The following KITLG variants were observed in gnomAD, a reference collection of about 807,000 sequenced individuals.
The protein encoded by KITLG is KIT ligand, also known as c-Kit ligand.
A neutral mutation model predicts 34.1 loss-of-function variants in KITLG; 13 were observed. That is an observed-to-expected ratio of 0.38 (90% CI 0.25 to 0.61). The LOEUF (loss-of-function observed/expected upper bound fraction) is 0.61. Among genes scored for constraint, KITLG ranks in the 20% least tolerant of loss-of-function variants. The probability of loss-of-function intolerance (pLI) is 0.60; values close to 1 mark genes in which losing one functional copy is unlikely to be tolerated. For missense variants in KITLG, 292 were observed against 318.9 expected (o/e 0.92, Z 0.64); for synonymous variants, 110 against 104.0 (o/e 1.06, Z -0.35).
chr12:88,577,141 A>T (rs1871853491), intron 1 of KITLG, among the ~76,000 whole-genome samples: 1 of 152,102 alleles, frequency 6.6e-6, no homozygotes, highest in Non-Finnish European at 1.5e-5. Context: ...GGACAAGACT[A>T]AAAAAATGCT....
intron 3 of KITLG, among the ~76,000 whole-genome samples, chr12:88,530,840 C>T (rs913032743): frequency 6.6e-6 from 1 of 152,148 alleles, no homozygotes; most frequent in Admixed American, 6.6e-5. Flanking sequence ...GTAGCTTTGA[C>T]ATTCTCTTGA....
chr12:88,554,886 T>TA (rs1871047314), intron 1 of KITLG, among the ~76,000 whole-genome samples: 1 of 152,206 alleles, frequency 6.6e-6, no homozygotes, highest in Non-Finnish European at 1.5e-5. Context: ...TTTTGAAACT[T>TA]AACTACTATC....
intron 3 of KITLG, among the ~76,000 whole-genome samples, chr12:88,520,531 C>G (rs1869619210): frequency 6.6e-6 from 1 of 152,124 alleles, no homozygotes; most frequent in Admixed American, 6.6e-5. Context: ...GTATTAATCT[C>G]TTAGGACTCT....
At chr12:88,510,043 GTTA>G (rs1294215056) in intron 6 of KITLG, among the ~76,000 whole-genome samples, 1 of 152,100 alleles carries the variant, frequency 6.6e-6, no homozygotes, top group Admixed American at 6.6e-5. Flanking sequence ...AAATTCCTGG[GTTA>G]TTACCATATT....
At chr12:88,542,177 C>T (rs965554326) in intron 2 of KITLG, among the ~76,000 whole-genome samples, 1 of 152,098 alleles carries the variant, frequency 6.6e-6, no homozygotes, top group African/African-American at 2.4e-5. Flanking sequence ...CTGAAAAAGG[C>T]CTCCAAGTTT....
At chr12:88,553,513 C>A (rs1444521899) in intron 1 of KITLG, among the ~76,000 whole-genome samples, 1 of 151,982 alleles carries the variant, frequency 6.6e-6, no homozygotes, top group African/African-American at 2.4e-5. Context: ...TATCATTGTA[C>A]AACTTTTCTC....
At chr12:88,526,240 C>A (rs1840834334) in intron 3 of KITLG, among the ~76,000 whole-genome samples, 1 of 152,064 alleles carries the variant, frequency 6.6e-6, no homozygotes, top group Admixed American at 6.6e-5. Context: ...AGCAGTAGAA[C>A]CAAAGGCTTA....
intron 1 of KITLG, among the ~76,000 whole-genome samples, chr12:88,548,418 C>A (rs545768130): frequency 6.6e-6 from 1 of 151,480 alleles, no homozygotes; most frequent in African/African-American, 2.4e-5. Flanking sequence ...TGCGCCACTG[C>A]ACTCTAGCCT....
intron 1 of KITLG, among the ~76,000 whole-genome samples, chr12:88,552,366 TTTTGG>T (rs1416276192): frequency 6.6e-6 from 1 of 151,412 alleles, no homozygotes; most frequent in Non-Finnish European, 1.5e-5. Context: ...TTTTTTGTAT[TTTTGG>T]TAGAGACAGA....
At chr12:88,521,080 CATTTTTT>C (rs1418788827) in intron 3 of KITLG, among the ~76,000 whole-genome samples, 1 of 152,136 alleles carries the variant, frequency 6.6e-6, no homozygotes, top group Non-Finnish European at 1.5e-5. Flanking sequence ...ATGTTTCACT[CATTTTTT>C]ATTTTTGCTT....
At chr12:88,526,335 T>C (rs1185555970) in intron 3 of KITLG, among the ~76,000 whole-genome samples, 1 of 152,158 alleles carries the variant, frequency 6.6e-6, no homozygotes, top group East Asian at 1.9e-4. Flanking sequence ...TAAAAGAAGA[T>C]AATAACGTTG....
chr12:88,557,601 G>A (rs145323817), intron 1 of KITLG, among the ~76,000 whole-genome samples: 2 of 152,138 alleles, frequency 1.3e-5, no homozygotes, highest in East Asian at 1.9e-4. Context: ...CAACTATCAC[G>A]TCTGGAAAAC....
At chr12:88,522,009 G>C (rs1869687225) in intron 3 of KITLG, among the ~76,000 whole-genome samples, 1 of 152,032 alleles carries the variant, frequency 6.6e-6, no homozygotes. Context: ...CAAAAACTGT[G>C]AACTTCCTTA....
intron 3 of KITLG, among the ~76,000 whole-genome samples, chr12:88,523,478 C>T (rs1056010908): frequency 6.6e-6 from 1 of 152,098 alleles, no homozygotes; most frequent in Non-Finnish European, 1.5e-5. Context: ...GGACCAGACA[C>T]GATTCTTCGG....
intron 1 of KITLG, among the ~76,000 whole-genome samples, chr12:88,569,356 C>A (rs1480479098): frequency 6.6e-6 from 1 of 152,108 alleles, no homozygotes; most frequent in Admixed American, 6.6e-5. Context: ...TTACTCAGGA[C>A]AAAAGTGAAT....
chr12:88,546,122 A>C, intron 1 of KITLG: 1 of 544,660 alleles, frequency 1.8e-6, no homozygotes, highest in East Asian at 4.1e-5. Context: ...CAATTTCCCA[A>C]TGGCAATTAG....
At chr12:88,504,431 C>A (rs1320588965) in intron 9 of KITLG, among the ~76,000 whole-genome samples, 2 of 152,118 alleles carry the variant, frequency 1.3e-5, no homozygotes, top group African/African-American at 4.8e-5. Context: ...AATCAAACAA[C>A]CCCATCAAAA....
At chr12:88,551,370 T>C (rs1870907937) in intron 1 of KITLG, among the ~76,000 whole-genome samples, 1 of 152,186 alleles carries the variant, frequency 6.6e-6, no homozygotes, top group South Asian at 2.1e-4. Context: ...TTTTCAGTAT[T>C]AACTTTTCTA....
rs1327048857 is a variant in KITLG at position 88,496,991 on chromosome 12, T to C, written c.*228A>G. ...GTCCTTAAAATAGAGTCCTGCTCCA[T>C]GCAAGTTCTTCTTTATAGATGATTA... On this transcript the variant is annotated 3_prime_UTR_variant, in exon 10 of 10. Transcript: ENST00000644744. The C allele has an allele frequency of 3.5e-6, 1 of 283,396 alleles. No individual in the cohort carries two copies. The highest frequency in any genetic ancestry group is 7.1e-6 in the Non-Finnish European group (1 of 141,122). 17.6% of individuals were successfully genotyped at this position (283,396 alleles called of 1,614,324 possible). A position where few individuals can be genotyped will look rare whatever the true frequency, so the allele number is the denominator to read the frequency against.
Sources: gnomAD v4.1 joint callset for allele counts (sites outside exome capture counted in the v4.1 genomes callset) on GRCh38, gnomAD v4.1.1 for gene constraint, MANE v1.5 for transcripts, NCBI Gene and HGNC (gene_info 2026-07-23, HGNC 2026-07-21) for gene names.